KPNA7: variants seen among roughly 807,000 people sequenced by gnomAD.
KPNA7 encodes importin subunit alpha-8.
KPNA7 carries 54 observed loss-of-function variants against 53.7 expected under a neutral mutation model. That is an observed-to-expected ratio of 1.01 (90% CI 0.81 to 1.26). The LOEUF is 1.26. Ranked by LOEUF, KPNA7 falls within the 50% of genes most tolerant of loss-of-function variation. KPNA7 has a pLI of 0.00. For synonymous variants in KPNA7, 276 were observed against 259.3 expected (o/e 1.06, Z -0.62); for missense variants, 640 against 644.5 (o/e 0.99, Z 0.07).
At chr7:99,160,025 T>TTTG in the KPNA7 span, among the ~76,000 whole-genome samples, 9,477 of 89,110 alleles carry the variant, frequency 0.11, 593 homozygotes, top group Non-Finnish European at 0.18. Flanking sequence ...TTGTTTTTTT[T>TTTG]TTTTTTTTTT....
At chr7:99,192,233 G>C (rs1014539987) in intron 6 of KPNA7, among the ~76,000 whole-genome samples, 1 of 152,032 alleles carries the variant, frequency 6.6e-6, no homozygotes, top group Non-Finnish European at 1.5e-5. Flanking sequence ...TCCAATAATG[G>C]AACACCAGGC....
the KPNA7 span, among the ~76,000 whole-genome samples, chr7:99,163,341 C>G: frequency 8.0e-6 from 1 of 124,474 alleles, no homozygotes; most frequent in South Asian, 2.7e-4. Context: ...TATATATGCA[C>G]TATAAATATG....
the KPNA7 span, among the ~76,000 whole-genome samples, chr7:99,163,566 T>G: frequency 3.3e-5 from 5 of 150,452 alleles, no homozygotes; most frequent in African/African-American, 1.2e-4. Flanking sequence ...TTTTTTATTT[T>G]TATAGAGATG....
At chr7:99,189,009 A>T (rs1033272933) in intron 6 of KPNA7, among the ~76,000 whole-genome samples, 5 of 152,150 alleles carry the variant, frequency 3.3e-5, no homozygotes, top group African/African-American at 1.2e-4. Context: ...CTTCAAATAG[A>T]AATGTGTTCT....
chr7:99,206,471 A>G (rs35312766), intron 2 of KPNA7, among the ~76,000 whole-genome samples: 11,123 of 150,472 alleles, frequency 0.074, 457 homozygotes, highest in South Asian at 0.15. Flanking sequence ...CTGGTTTTTT[A>G]TTTGGTTTTG....
chr7:99,158,667 C>T, the KPNA7 span, among the ~76,000 whole-genome samples: 13 of 152,002 alleles, frequency 8.6e-5, no homozygotes, highest in Non-Finnish European at 1.3e-4. Context: ...CCATGCCCAG[C>T]TAATTTTTGT....
the KPNA7 span, among the ~76,000 whole-genome samples, chr7:99,168,534 A>G: frequency 8.5e-5 from 13 of 152,096 alleles, no homozygotes; most frequent in Admixed American, 2.6e-4. Flanking sequence ...TTTAAGAGAT[A>G]GGGTCTGGCT....
intron 3 of KPNA7, among the ~76,000 whole-genome samples, chr7:99,198,620 G>A (rs895709346): frequency 6.6e-6 from 1 of 151,896 alleles, no homozygotes; most frequent in Non-Finnish European, 1.5e-5. Flanking sequence ...GGAATAAAAG[G>A]AAACTTCTTC....
chr7:99,152,811 A>G, the KPNA7 span, among the ~76,000 whole-genome samples: 749 of 152,262 alleles, frequency 4.9e-3, no homozygotes, highest in Non-Finnish European at 7.4e-3. Context: ...AAGGCCTGTG[A>G]TGTCTTCTCT....
Position 99,173,805 on chromosome 7 carries a change from G to T in KPNA7, c.1465-11C>A. 6.8e-7 allele frequency: 1 copy of T among 1,468,132 alleles called. No homozygotes were observed. Among genetic ancestry groups the T allele is most frequent in the Non-Finnish European group, 9.3e-7 (1 of 1,071,108 alleles). 90.9% of individuals were successfully genotyped at this position (1,468,132 alleles called of 1,614,324 possible). A position where few individuals can be genotyped will look rare whatever the true frequency, so the allele number is the denominator to read the frequency against. Reference sequence around the variant, plus strand: ...GCTCTCATCTTCTTCCTTCAGGAGAGAATAGACACTGTTATACCTCCAGGA... The same window carrying T: ...GCTCTCATCTTCTTCCTTCAGGAGATAATAGACACTGTTATACCTCCAGGA... On this transcript the variant is annotated splice_polypyrimidine_tract_variant and intron_variant, in intron 10 of 10. Coordinates refer to ENST00000327442, the MANE Select transcript of KPNA7 (RefSeq NM_001145715.3).
Position 99,178,044 on chromosome 7 carries a change from T to C in KPNA7, c.1340A>G (p.Lys447Arg). ...ILQAAEKRSE[K>R]ENLCLLIEEL... is the part of the protein sequence containing the mutation. ...TTCTATCAGAAGACACAGGTTTTCC[T>C]TCTCAGACCGTTTCTCTGCCGCCTG... is the stretch of plus-strand genomic sequence containing the variant. Residue 447 changes from lysine (K) to arginine (R), a missense_variant, in exon 10 of 11, where the codon AAG (lysine) becomes AGG (arginine). Physicochemically the swap from Lys to Arg is conservative, Grantham distance 26. Transcript: ENST00000327442. The C allele has an allele frequency of 6.4e-7, 1 of 1,551,614 alleles. No homozygotes were observed.
chr7:99,219,215 C>T (rs927942250), intron 1 of KPNA7, among the ~76,000 whole-genome samples: 1 of 152,230 alleles, frequency 6.6e-6, no homozygotes, highest in Non-Finnish European at 1.5e-5. Context: ...AACCTTCAGC[C>T]TCTGCAGCTG....
intron 10 of KPNA7, among the ~76,000 whole-genome samples, chr7:99,175,745 C>T (rs1464138377): frequency 6.6e-6 from 1 of 151,934 alleles, no homozygotes; most frequent in Admixed American, 6.6e-5. Context: ...AACTCCTAAC[C>T]TCGTGATCCA....
chr7:99,217,369 G>T (rs1335907122), intron 1 of KPNA7, among the ~76,000 whole-genome samples: 1 of 152,158 alleles, frequency 6.6e-6, no homozygotes, highest in Non-Finnish European at 1.5e-5. Context: ...CTACCAGCCA[G>T]TTCTTCAAAG....
chr7:99,189,514 C>G (rs577640558), intron 6 of KPNA7, among the ~76,000 whole-genome samples: 3 of 152,120 alleles, frequency 2.0e-5, no homozygotes, highest in African/African-American at 7.2e-5. Flanking sequence ...ACTGTCAGCC[C>G]CTCCCCTTCT....
upstream of KPNA7, among the ~76,000 whole-genome samples, chr7:99,212,122 G>C (rs1440058259): frequency 6.6e-6 from 1 of 151,236 alleles, no homozygotes; most frequent in African/African-American, 2.4e-5. Context: ...TTTACTCCTA[G>C]CAACACATCA....
At chr7:99,168,101 T>C in the KPNA7 span, among the ~76,000 whole-genome samples, 210 of 152,146 alleles carry the variant, frequency 1.4e-3, no homozygotes, top group East Asian at 6.6e-3. Context: ...TGGCATGTTT[T>C]CTTATCCTGC....
chr7:99,209,706 A>G (rs1204920034), upstream of KPNA7, among the ~76,000 whole-genome samples: 13 of 127,858 alleles, frequency 1.0e-4, no homozygotes, highest in East Asian at 6.4e-4. Context: ...AAAAAAAAAA[A>G]AAAAGAAAAA....
chr7:99,203,271 A>T, intron 2 of KPNA7, 31 bp from the exon 3 acceptor site: 1 of 1,544,830 alleles, frequency 6.5e-7, no homozygotes, highest in Middle Eastern at 1.7e-4. Context: ...GAGCATTTAG[A>T]ACCAGGAGTG....
Sources: gnomAD v4.1 joint callset for allele counts (sites outside exome capture counted in the v4.1 genomes callset) on GRCh38, gnomAD v4.1.1 for gene constraint, MANE v1.5 for transcripts, NCBI Gene and HGNC (gene_info 2026-07-23, HGNC 2026-07-21) for gene names.